The following SGCB variants were observed in gnomAD, a reference collection of about 807,000 sequenced individuals.
The protein encoded by SGCB is beta-sarcoglycan.
Under a neutral mutation model 27.3 loss-of-function variants are expected in SGCB, and 25 were observed. The observed-to-expected ratio is 0.92, with a 90% CI of 0.67 to 1.28. SGCB has a LOEUF of 1.28. Among genes scored for constraint, SGCB ranks in the 50% most tolerant of loss-of-function variants. SGCB has a pLI of 0.00. For missense variants in SGCB, 436 were observed against 402.1 expected (o/e 1.08, Z -0.72); for synonymous variants, 147 against 133.5 (o/e 1.10, Z -0.70).
intron 1 of SGCB, among the ~76,000 whole-genome samples, chr4:52,035,883 C>A (rs556363700): frequency 6.6e-6 from 1 of 152,302 alleles, no homozygotes; most frequent in East Asian, 1.9e-4. Context: ...CAAAATTCAT[C>A]CCTCCTGAGA....
chr4:52,031,852 AT>A (rs1465287226), intron 2 of SGCB: 2 of 454,622 alleles, frequency 4.4e-6, no homozygotes. Flanking sequence ...GGGAAATTAC[AT>A]GGCTTTTTCA....
chr4:52,023,965 T>C lies in SGCB; in HGVS notation c.949A>G (p.Thr317Ala). 6.2e-7 allele frequency: 1 copy of C among 1,613,938 alleles called. No individual in the cohort carries two copies. Among genetic ancestry groups the C allele is most frequent in the Non-Finnish European group, 8.5e-7 (1 of 1,179,864 alleles). Residue 317 changes from threonine to alanine, a missense_variant, in exon 6 of 6, where the codon ACT becomes GCT. By Grantham distance (58) the Thr-to-Ala change is moderately conservative (BLOSUM62 0). Coordinates refer to ENST00000381431, the MANE Select transcript of SGCB (RefSeq NM_000232.5). ...CQISDNPCGN[T>A]H ...TGACCTCTGGGGTTCTTTTAATGAG[T>C]GTTTCCACAGGGGTTGTCTGAGATT...
intron 1 of SGCB, among the ~76,000 whole-genome samples, chr4:52,034,375 A>G (rs2109377065): frequency 7.6e-6 from 1 of 131,538 alleles, no homozygotes; most frequent in East Asian, 2.2e-4. Flanking sequence ...AAAAAAAAAA[A>G]AGGGAATGGT....
intron 5 of SGCB, 137 bp from the exon 6 acceptor site, chr4:52,024,297 A>G: frequency 1.5e-6 from 1 of 680,904 alleles, no homozygotes. Context: ...AAACAACAAC[A>G]GCAACAATAA....
chr4:52,024,827 C>CAA lies in SGCB; in HGVS notation c.754-669_754-668dup, dbSNP rs3050627. 1.9e-3 allele frequency among the ~76,000 whole-genome samples: 108 copies of CAA among 55,872 alleles called. 6 individuals are homozygous for CAA. Among genetic ancestry groups the CAA allele is most frequent in the African/African-American group, 7.4e-3 (86 of 11,582 alleles). The allele number at this position is 55,872 out of a possible 152,430, so 36.7% of individuals were successfully genotyped here. A position where few individuals can be genotyped will look rare whatever the true frequency, so the allele number is the denominator to read the frequency against. On this transcript the variant is annotated intron_variant, in intron 5 of 5. Coordinates refer to ENST00000381431, the MANE Select transcript of SGCB (RefSeq NM_000232.5). ...TGGGTGACTGAGCGAGACACTGTCT[C>CAA]AAAAAAAAAAAAAAAAAAAAAAAAA...
chr4:52,035,577 T>C (rs956606754), intron 1 of SGCB, among the ~76,000 whole-genome samples: 3 of 152,186 alleles, frequency 2.0e-5, no homozygotes, highest in Admixed American at 6.5e-5. Context: ...CTGGAGGTTT[T>C]TGAGCACAAA....
chr4:52,035,300 T>C (rs1220723756), intron 1 of SGCB, among the ~76,000 whole-genome samples: 1 of 152,250 alleles, frequency 6.6e-6, no homozygotes, highest in Non-Finnish European at 1.5e-5. Flanking sequence ...ATGATTTGTG[T>C]ACATGTTAAC....
chr4:52,022,277 G>A lies in SGCB; in HGVS notation c.*1680C>T, dbSNP rs1260412253. 6.6e-6 allele frequency: 1 copy of A among 152,180 alleles called. No homozygotes were observed. The highest frequency in any genetic ancestry group is 6.5e-5 in the Admixed American group (1 of 15,280). 9.4% of individuals were successfully genotyped at this position (152,180 alleles called of 1,614,324 possible). A position where few individuals can be genotyped will look rare whatever the true frequency, so the allele number is the denominator to read the frequency against. On this transcript the variant is annotated 3_prime_UTR_variant, in exon 6 of 6. Coordinates refer to ENST00000381431, the MANE Select transcript of SGCB (RefSeq NM_000232.5). ...TCTAAGGTATTTGATTTTTCTACCA[G>A]AGAGAAATGTGACAATATTGAATAC...
intron 1 of SGCB, among the ~76,000 whole-genome samples, chr4:52,035,138 T>C (rs1464611711): frequency 6.6e-6 from 1 of 152,260 alleles, no homozygotes; most frequent in East Asian, 1.9e-4. Flanking sequence ...TGGGCAGAAA[T>C]GGATACTGTC....
At chr4:52,025,984 A>T (rs1479691432) in intron 5 of SGCB, among the ~76,000 whole-genome samples, 1 of 151,890 alleles carries the variant, frequency 6.6e-6, no homozygotes, top group Non-Finnish European at 1.5e-5. Context: ...AAAATGGATA[A>T]TGTTAAGCAG....
In SGCB at chr4:52,033,336, T is replaced by A. The variant is rs187563392; in HGVS notation, c.243+95A>T. ...AAAATTCAGTAAGAGACAAGACATGTATAGAAAAGGAGAAAATAAAGTCTA... is the reference window on the plus strand; with the variant it reads ...AAAATTCAGTAAGAGACAAGACATGAATAGAAAAGGAGAAAATAAAGTCTA... On this transcript the variant is annotated intron_variant, in intron 2 of 5. Transcript: ENST00000381431. 81 of 782,996 alleles carry A rather than the reference T, an allele frequency of 1.0e-4. No homozygotes were observed. In the African/African-American group the frequency reaches 1.2e-3, roughly 12 times the overall value. 48.5% of individuals were successfully genotyped at this position (782,996 alleles called of 1,614,324 possible).
intron 5 of SGCB, among the ~76,000 whole-genome samples, chr4:52,027,294 G>A (rs1316871537): frequency 1.3e-5 from 2 of 152,092 alleles, no homozygotes; most frequent in East Asian, 3.9e-4. Context: ...TGGACTTATG[G>A]CACATGAAAT....
At chr4:52,036,990 C>T (rs914906331) in intron 1 of SGCB, among the ~76,000 whole-genome samples, 1 of 152,062 alleles carries the variant, frequency 6.6e-6, no homozygotes, top group Non-Finnish European at 1.5e-5. Context: ...GGGCTGGAGA[C>T]GTAATGCGTA....
At chr4:52,030,364 C>A (rs1737216356) in intron 2 of SGCB, among the ~76,000 whole-genome samples, 1 of 152,096 alleles carries the variant, frequency 6.6e-6, no homozygotes, top group South Asian at 2.1e-4. Context: ...CAGCTCCAAT[C>A]TCAAGTTTTA....
In SGCB at chr4:52,023,050, T is replaced by C. The variant is rs1053532161; in HGVS notation, c.*907A>G. On this transcript the variant is annotated 3_prime_UTR_variant, in exon 6 of 6. Coordinates refer to ENST00000381431, the MANE Select transcript of SGCB (RefSeq NM_000232.5). ...ATAATTAAAAAGTCAGTGCAGAGAGTGAAAACAACATGGCATTTGGAATCA... is the reference window on the plus strand; with the variant it reads ...ATAATTAAAAAGTCAGTGCAGAGAGCGAAAACAACATGGCATTTGGAATCA... The C allele has an allele frequency of 6.6e-6, 1 of 152,184 alleles. No individual in the cohort carries two copies. The highest frequency in any genetic ancestry group is 1.5e-5 in the Non-Finnish European group (1 of 68,028). The allele number at this position is 152,184 out of a possible 1,614,324, so 9.4% of individuals were successfully genotyped here.
chr4:52,032,109 C>G, intron 2 of SGCB: 1 of 347,720 alleles, frequency 2.9e-6, no homozygotes, highest in Non-Finnish European at 5.7e-6. Flanking sequence ...CAGAGACACA[C>G]TAGTTTTGTA....
intron 1 of SGCB, among the ~76,000 whole-genome samples, chr4:52,036,342 A>G (rs1299466384): frequency 2.0e-5 from 3 of 152,166 alleles, no homozygotes; most frequent in Non-Finnish European, 4.4e-5. Context: ...GGATGGTGAG[A>G]AGGATAGGTG....
chr4:52,038,133 C>T, intron 1 of SGCB, 94 bp downstream of exon 1: 2 of 1,109,666 alleles, frequency 1.8e-6, no homozygotes, highest in Admixed American at 9.9e-5. Context: ...GGCCCGCGCC[C>T]CCCGCACCCC....
chr4:52,038,134 C>A, intron 1 of SGCB, 93 bp downstream of exon 1: 1 of 1,113,900 alleles, frequency 9.0e-7, no homozygotes, highest in Non-Finnish European at 1.1e-6. Flanking sequence ...GCCCGCGCCC[C>A]CCGCACCCCC....
Sources: allele counts gnomAD v4.1 joint callset (sites outside exome capture counted in the v4.1 genomes callset), GRCh38; gene constraint gnomAD v4.1.1; transcripts MANE v1.5; gene names NCBI Gene and HGNC (gene_info 2026-07-23, HGNC 2026-07-21).